Variants in SYNJ2BP observed in about 807,000 individuals in gnomAD.
SYNJ2BP encodes synaptojanin 2 binding protein.
Under a neutral mutation model 16.9 loss-of-function variants are expected in SYNJ2BP, and 10 were observed. The observed-to-expected ratio is 0.59, with a 90% CI of 0.36 to 1.00. The LOEUF is 1.00. Ranked by LOEUF, SYNJ2BP falls within the 50% of genes least tolerant of loss-of-function variation. The probability of loss-of-function intolerance (pLI) is 0.01; values close to 1 mark genes in which losing one functional copy is unlikely to be tolerated. For synonymous variants in SYNJ2BP, 54 were observed against 68.4 expected (o/e 0.79, Z 1.04); for missense variants, 162 against 186.7 (o/e 0.87, Z 0.77).
rs371789738 is a variant in SYNJ2BP at position 70,371,111 on chromosome 14, G to A, written c.*1880C>T. On this transcript the variant is annotated 3_prime_UTR_variant, in exon 4 of 4. Coordinates refer to ENST00000256366, the MANE Select transcript of SYNJ2BP (RefSeq NM_018373.3). ...AATCTTGCTAACAAAATTATAAAAG[G>A]CCTATAGTATGGCCAATATATTTGG... 6.6e-6 allele frequency: 1 copy of A among 152,216 alleles called. No homozygotes were observed. The highest frequency in any genetic ancestry group is 2.4e-5 in the African/African-American group (1 of 41,514). 9.4% of individuals were successfully genotyped at this position (152,216 alleles called of 1,614,324 possible). A position where few individuals can be genotyped will look rare whatever the true frequency, so the allele number is the denominator to read the frequency against.
In SYNJ2BP at chr14:70,408,896, C is replaced by G. The variant is rs1888409588; in HGVS notation, c.64+8004G>C. ...TCGCCCAGGCTGGAATGCAGTGGTA[C>G]GATCTCAGGTCACTGCAACCTTCAC... On this transcript the variant is annotated intron_variant, in intron 1 of 3. Coordinates refer to ENST00000256366, the MANE Select transcript of SYNJ2BP (RefSeq NM_018373.3). Among the ~76,000 whole-genome samples the G allele has an allele frequency of 2.0e-5, 3 of 152,012 alleles. No individual in the cohort carries two copies. In the South Asian group the frequency reaches 6.2e-4, roughly 32 times the overall value.
At chr14:70,404,778 TTTTC>T (rs1161703178) in intron 1 of SYNJ2BP, among the ~76,000 whole-genome samples, 1 of 152,198 alleles carries the variant, frequency 6.6e-6, no homozygotes, top group East Asian at 1.9e-4. Flanking sequence ...TAGAGATCAC[TTTTC>T]TTTACATGGT....
intron 2 of SYNJ2BP, among the ~76,000 whole-genome samples, chr14:70,387,664 T>C (rs1341347756): frequency 2.0e-5 from 3 of 151,998 alleles, no homozygotes; most frequent in African/African-American, 7.2e-5. Flanking sequence ...ACCCTGTCTA[T>C]ACTAAAAATA....
intron 1 of SYNJ2BP, among the ~76,000 whole-genome samples, chr14:70,396,171 A>T (rs8008400): frequency 0.88 from 133,230 of 152,222 alleles, 58,370 homozygotes; most frequent in East Asian, 0.93. Context: ...CAGGCTGACC[A>T]GCAGTGGCGC....
At chr14:70,393,498 C>T (rs762055606) in intron 1 of SYNJ2BP, among the ~76,000 whole-genome samples, 1 of 152,162 alleles carries the variant, frequency 6.6e-6, no homozygotes, top group African/African-American at 2.4e-5. Context: ...AACACACAGG[C>T]ACACATATGT....
At chr14:70,373,425 T>C (rs970947422) in intron 3 of SYNJ2BP, among the ~76,000 whole-genome samples, 2 of 152,194 alleles carry the variant, frequency 1.3e-5, no homozygotes, top group African/African-American at 2.4e-5. Context: ...TTGCTATTTG[T>C]GTATCGTATC....
intron 1 of SYNJ2BP, among the ~76,000 whole-genome samples, chr14:70,413,974 T>C (rs1394639450): frequency 6.6e-6 from 1 of 152,218 alleles, no homozygotes; most frequent in Middle Eastern, 3.2e-3. Flanking sequence ...AGGATTTTCA[T>C]ATTTCTTCCA....
At chr14:70,414,484 G>T (rs1439365039) in intron 1 of SYNJ2BP, among the ~76,000 whole-genome samples, 1 of 152,124 alleles carries the variant, frequency 6.6e-6, no homozygotes, top group South Asian at 2.1e-4. Flanking sequence ...CTAACACTAG[G>T]AAATTTATGA....
chr14:70,402,170 C>T (rs1315432291), intron 1 of SYNJ2BP, among the ~76,000 whole-genome samples: 1 of 152,140 alleles, frequency 6.6e-6, no homozygotes, highest in Non-Finnish European at 1.5e-5. Context: ...TTCCATACTG[C>T]ATTACTTGTT....
intron 2 of SYNJ2BP, among the ~76,000 whole-genome samples, chr14:70,376,188 A>T (rs1212545145): frequency 1.3e-5 from 2 of 152,248 alleles, no homozygotes; most frequent in African/African-American, 4.8e-5. Context: ...AACTGTAGAA[A>T]TATAACTCTA....
chr14:70,375,565 G>C, intron 3 of SYNJ2BP, 111 bp downstream of exon 3: 8 of 1,360,524 alleles, frequency 5.9e-6, no homozygotes, highest in Non-Finnish European at 7.9e-6. Flanking sequence ...AAACTCTTCA[G>C]GGGAGTGAGG....
intron 2 of SYNJ2BP, among the ~76,000 whole-genome samples, chr14:70,379,148 G>A (rs574675318): frequency 6.6e-6 from 1 of 152,264 alleles, no homozygotes; most frequent in South Asian, 2.1e-4. Context: ...AATACTCTTA[G>A]TTGAACTACT....
chr14:70,382,789 CT>C (rs1039555186), intron 2 of SYNJ2BP, among the ~76,000 whole-genome samples: 9 of 152,060 alleles, frequency 5.9e-5, no homozygotes, highest in Admixed American at 5.2e-4. Context: ...AGGAAACATA[CT>C]TTTTTTTACT....
intron 1 of SYNJ2BP, 94 bp from the exon 2 acceptor site, chr14:70,388,700 G>T: frequency 7.3e-7 from 1 of 1,375,062 alleles, no homozygotes. Context: ...GCCTACTGGG[G>T]AGGAAAGGCT....
intron 1 of SYNJ2BP, among the ~76,000 whole-genome samples, chr14:70,401,120 C>T (rs974563691): frequency 2.0e-5 from 3 of 151,886 alleles, no homozygotes; most frequent in African/African-American, 7.3e-5. Flanking sequence ...GCAGCAACAG[C>T]CAAAACAGGG....
Sources: gnomAD v4.1 joint callset for allele counts (sites outside exome capture counted in the v4.1 genomes callset) on GRCh38, gnomAD v4.1.1 for gene constraint, MANE v1.5 for transcripts, NCBI Gene and HGNC (gene_info 2026-07-23, HGNC 2026-07-21) for gene names.